CDKN2B-AS1: variants seen among roughly 807,000 people sequenced by gnomAD.
CDKN2B-AS1 encodes the protein CDKN2B antisense RNA 1 (non-protein coding).
chr9:22,055,825 C>T (rs1296354801), intron 3 of CDKN2B-AS1, among the ~76,000 whole-genome samples: 16 of 152,046 alleles, frequency 1.1e-4, no homozygotes, highest in Non-Finnish European at 8.8e-5. Flanking sequence ...GCATACCAGA[C>T]ACTCGGCTAC....
chr9:22,010,040 A>G lies in CDKN2B-AS1; in HGVS notation n.29+14879A>G, dbSNP rs1237601365. Among the ~76,000 whole-genome samples, 3 of 152,198 alleles carry G rather than the reference A, an allele frequency of 2.0e-5. No individual in the cohort carries two copies. In the East Asian group the frequency reaches 5.8e-4, roughly 29 times the overall value. ...GAGATCCCAGTTTCATCATATTTGTACAGTAAATCTTTGTTTGCACTCTTA... is the reference window on the plus strand; with the variant it reads ...GAGATCCCAGTTTCATCATATTTGTGCAGTAAATCTTTGTTTGCACTCTTA... On this transcript the variant is annotated intron_variant and non_coding_transcript_variant, in intron 1 of 4. Transcript: ENST00000650946.
chr9:22,116,250 G>A (rs895081354), intron 4 of CDKN2B-AS1, among the ~76,000 whole-genome samples: 2 of 152,186 alleles, frequency 1.3e-5, no homozygotes, highest in African/African-American at 4.8e-5. Flanking sequence ...TACTCAAACG[G>A]TGTATATCAA....
At chr9:22,026,587 T>C (rs895419158) in intron 1 of CDKN2B-AS1, among the ~76,000 whole-genome samples, 2 of 152,178 alleles carry the variant, frequency 1.3e-5, no homozygotes, top group Non-Finnish European at 2.9e-5. Context: ...GGTCTTATCC[T>C]GTGAGGCGCT....
intron 1 of CDKN2B-AS1, chr9:22,030,035 T>C (rs574233391): frequency 6.6e-6 from 1 of 152,366 alleles, no homozygotes; most frequent in Admixed American, 6.5e-5. Context: ...AAGCCAAAAG[T>C]TCTTCTTGAA....
At chr9:22,090,037 C>T (rs1825017376) in intron 4 of CDKN2B-AS1, among the ~76,000 whole-genome samples, 1 of 135,472 alleles carries the variant, frequency 7.4e-6, no homozygotes, top group South Asian at 2.3e-4. Flanking sequence ...TCCATTTGTT[C>T]TCATTGTTCA....
chr9:22,091,039 A>C (rs1825064123), intron 4 of CDKN2B-AS1, among the ~76,000 whole-genome samples: 1 of 152,312 alleles, frequency 6.6e-6, no homozygotes, highest in East Asian at 1.9e-4. Flanking sequence ...TCAGCTTTCT[A>C]CATATGGCTA....
At chr9:22,031,055 C>T (rs982106263) in intron 1 of CDKN2B-AS1, 1 of 152,108 alleles carries the variant, frequency 6.6e-6, no homozygotes, top group South Asian at 2.1e-4. Flanking sequence ...ATTTGTGGGG[C>T]ATTTTATTTT....
chr9:22,091,942 T>C, intron 4 of CDKN2B-AS1, among the ~76,000 whole-genome samples: 1 of 152,220 alleles, frequency 6.6e-6, no homozygotes, highest in Non-Finnish European at 1.5e-5. Context: ...CCATTCAGTA[T>C]GATATTGGCT....
In CDKN2B-AS1 at chr9:22,113,412, G is replaced by A. The variant is rs536950050; in HGVS notation, n.439-13691G>A. Among the ~76,000 whole-genome samples the A allele has an allele frequency of 3.3e-5, 5 of 152,296 alleles. No homozygotes were observed. In the South Asian group the frequency reaches 1.0e-3, roughly 32 times the overall value. ...CCACCAGCAGAAGAGGCTTTTAAGA[G>A]TTTATGGGATTAGATTACATCCGTC... On this transcript the variant is annotated intron_variant and non_coding_transcript_variant, in intron 4 of 4. Transcript: ENST00000650946.
At chr9:22,031,301 C>T (rs897495543) in intron 1 of CDKN2B-AS1, among the ~76,000 whole-genome samples, 1 of 152,092 alleles carries the variant, frequency 6.6e-6, no homozygotes, top group South Asian at 2.1e-4. Flanking sequence ...CATATACCAC[C>T]CATAATCATC....
intron 1 of CDKN2B-AS1, chr9:22,004,379 G>C (rs1420827973): frequency 4.3e-6 from 1 of 231,854 alleles, no homozygotes; most frequent in Non-Finnish European, 8.5e-6. Flanking sequence ...CATAATACAT[G>C]TATACACTTT....
chr9:22,112,025 T>C (rs1226003613), intron 4 of CDKN2B-AS1: 2 of 152,190 alleles, frequency 1.3e-5, no homozygotes, highest in Non-Finnish European at 2.9e-5. Context: ...TAGAGGTTTT[T>C]CCCACCACAG....
intron 4 of CDKN2B-AS1, chr9:22,118,047 G>T (rs544499419): frequency 5.4e-4 from 82 of 152,406 alleles, no homozygotes; most frequent in African/African-American, 1.9e-3. Flanking sequence ...CTGACTTTCT[G>T]ACTCCTAGGA....
chr9:22,047,033 G>A (rs1205004734), intron 2 of CDKN2B-AS1: 1 of 152,112 alleles, frequency 6.6e-6, no homozygotes, highest in Non-Finnish European at 1.5e-5. Flanking sequence ...TTCTGAAAAT[G>A]AGGGTGATCT....
chr9:22,090,277 A>G (rs1216783146), intron 4 of CDKN2B-AS1, among the ~76,000 whole-genome samples: 5 of 152,094 alleles, frequency 3.3e-5, no homozygotes, highest in Admixed American at 6.6e-5. Flanking sequence ...CAATAGTGCC[A>G]CAATAAACAT....
intron 1 of CDKN2B-AS1, among the ~76,000 whole-genome samples, chr9:22,033,259 AT>A (rs551051995): frequency 6.8e-4 from 104 of 152,228 alleles, no homozygotes; most frequent in African/African-American, 2.4e-3. Context: ...TACCTAAAAG[AT>A]TTTCACTTTC....
Position 22,018,783 on chromosome 9 carries a change from A to G in CDKN2B-AS1, n.29+23622A>G, listed in dbSNP as rs537702224. Among the ~76,000 whole-genome samples the G allele has an allele frequency of 3.3e-5, 5 of 152,354 alleles. No individual in the cohort carries two copies. The South Asian group carries it at 1.0e-3, about 32-fold the overall frequency. Reference sequence around the variant, plus strand: ...ATAATGTGAACATGAAATCTTGAATAATTAGCTATCTGTAATATATTTACT... The same window carrying G: ...ATAATGTGAACATGAAATCTTGAATGATTAGCTATCTGTAATATATTTACT... On this transcript the variant is annotated intron_variant and non_coding_transcript_variant, in intron 1 of 4. Transcript: ENST00000650946.
At chr9:22,018,790 T>C (rs1175572056) in intron 1 of CDKN2B-AS1, among the ~76,000 whole-genome samples, 3 of 152,246 alleles carry the variant, frequency 2.0e-5, no homozygotes, top group African/African-American at 7.2e-5. Flanking sequence ...AATAATTAGC[T>C]ATCTGTAATA....
intron 1 of CDKN2B-AS1, chr9:22,030,117 A>G (rs1308976577): frequency 6.6e-6 from 1 of 152,250 alleles, no homozygotes; most frequent in African/African-American, 2.4e-5. Context: ...GTCATACTGA[A>G]AAACAGAAGG....
Sources: gnomAD v4.1 joint callset for allele counts (sites outside exome capture counted in the v4.1 genomes callset) on GRCh38, gnomAD v4.1.1 for gene constraint, MANE v1.5 for transcripts, NCBI Gene and HGNC (gene_info 2026-07-23, HGNC 2026-07-21) for gene names.